HDAC5: variants seen among roughly 807,000 people sequenced by gnomAD.
HDAC5 encodes the protein histone deacetylase 5.
In HDAC5, 25 loss-of-function variants were observed where a neutral mutation model predicts 133.3. The ratio of observed to expected loss-of-function variants is 0.19; its 90% CI spans 0.14 to 0.26. The LOEUF (loss-of-function observed/expected upper bound fraction) is 0.26, where lower values mean the gene tolerates loss of function less well. Among genes scored for constraint, HDAC5 ranks in the 10% least tolerant of loss-of-function variants. The pLI, the probability that HDAC5 is intolerant of heterozygous loss-of-function variation, is 1.00. For missense variants in HDAC5, 1,041 were observed against 1,460.5 expected, an observed-to-expected ratio of 0.71 and a Z score of 4.68; for synonymous variants, 589 against 610.8, an observed-to-expected ratio of 0.96 and a Z score of 0.53.
At chr17:44,106,102 G>A (rs1430803511) in intron 3 of HDAC5, among the ~76,000 whole-genome samples, 1 of 152,200 alleles carries the variant, frequency 6.6e-6, no homozygotes, top group Non-Finnish European at 1.5e-5. Flanking sequence ...AGCTGTTACA[G>A]CTGTGTGCAT....
chr17:44,087,731 G>T (rs775625969), intron 12 of HDAC5, 35 bp from the exon 13 acceptor site: 2 of 1,532,914 alleles, frequency 1.3e-6, no homozygotes, highest in East Asian at 4.5e-5. Flanking sequence ...TCAGCTGGGA[G>T]TTGGGGAGCA....
chr17:44,084,809 C>G (rs2050570812), intron 15 of HDAC5, 134 bp from the exon 16 acceptor site: 1 of 1,329,604 alleles, frequency 7.5e-7, no homozygotes, highest in Admixed American at 2.1e-5. Context: ...TAGATCCTGG[C>G]TCTGTCATGA....
intron 17 of HDAC5, 59 bp downstream of exon 17, chr17:44,083,746 G>A: frequency 6.3e-7 from 1 of 1,586,788 alleles, no homozygotes; most frequent in South Asian, 1.1e-5. Context: ...TGGTAGGCAG[G>A]GAAGAGACAG....
intron 20 of HDAC5, chr17:44,081,612 T>C (rs2050396704): frequency 1.5e-5 from 2 of 137,706 alleles, no homozygotes; most frequent in Admixed American, 7.7e-5. Flanking sequence ...AGAATCTCAC[T>C]CTGTCATCGA....
rs773575696 is a variant in HDAC5 at position 44,108,751 on chromosome 17, C to CAAAAAAAAAAAAAAAAAAAAA, written c.94+1977_94+1978insTTTTTTTTTTTTTTTTTTTTT. Among the ~76,000 whole-genome samples, 2 of 56,944 alleles carry CAAAAAAAAAAAAAAAAAAAAA rather than the reference C, an allele frequency of 3.5e-5. 1 individual carries two copies. The highest frequency in any genetic ancestry group is 1.1e-4 in the African/African-American group (2 of 18,388). 37.4% of individuals were successfully genotyped at this position (56,944 alleles called of 152,430 possible). On this transcript the variant is annotated intron_variant, in intron 3 of 26. Transcript: ENST00000682912. Reference sequence around the variant, plus strand: ...AAACATCTATTTACATTCCAGAGTCCAAAAAAAAAACAAAAAAAAAACAAA... The same window carrying CAAAAAAAAAAAAAAAAAAAAA: ...AAACATCTATTTACATTCCAGAGTCCAAAAAAAAAAAAAAAAAAAAAAAAAAAAAAACAAAAAAAAAACAAA...
chr17:44,091,453 G>T lies in HDAC5; in HGVS notation c.1204C>A (p.Gln402Lys). 6.5e-7 allele frequency: 1 copy of T among 1,544,590 alleles called. No homozygotes were observed. Among genetic ancestry groups the T allele is most frequent in the South Asian group, 1.3e-5 (1 of 79,054 alleles). Residue 402 changes from glutamine (Q) to lysine (K), a missense_variant, in exon 11 of 27, where the codon CAG becomes AAG. Physicochemically the swap from Gln to Lys is moderately conservative, Grantham distance 53 (BLOSUM62 1). Around this residue, in one of 9 missense-constraint regions of HDAC5, gnomAD observed 433 missense variants for 531.6 expected, o/e 0.81. Coordinates refer to ENST00000682912, the MANE Select transcript of HDAC5 (RefSeq NM_005474.5). ...KLSTQQEAER[Q>K]ALQSLRQGGT... ...CCCTGCCGCAGGGACTGGAGGGCCT[G>T]CCTCTCGGCCTCCTGCTGTGTCGAC... is the stretch of plus-strand genomic sequence containing the variant.
intron 2 of HDAC5, among the ~76,000 whole-genome samples, chr17:44,116,672 G>A (rs558822673): frequency 5.9e-5 from 9 of 152,182 alleles, no homozygotes; most frequent in Admixed American, 4.6e-4. Context: ...AGGAGGAGAC[G>A]ACAGCCACTA....
At chr17:44,119,781 G>C (rs2052873550) in intron 1 of HDAC5, among the ~76,000 whole-genome samples, 1 of 152,200 alleles carries the variant, frequency 6.6e-6, no homozygotes, top group African/African-American at 2.4e-5. Context: ...AGGGGAGCCT[G>C]ATGTTTAAAA....
At chr17:44,079,299 G>C in intron 23 of HDAC5, 22 bp from the exon 24 acceptor site, 1 of 1,608,990 alleles carries the variant, frequency 6.2e-7, no homozygotes, top group East Asian at 2.2e-5. Flanking sequence ...GGTGAAGGGA[G>C]GAAGAAGAAA....
intron 23 of HDAC5, among the ~76,000 whole-genome samples, chr17:44,079,639 C>CA (rs773678478): frequency 0.64 from 42,300 of 66,284 alleles, 14,394 homozygotes; most frequent in South Asian, 0.84. Context: ...GACTCCACCT[C>CA]AAAAAAAAAA....
rs1463489539 is a variant in HDAC5, at chr17:44,117,958, G to A, written c.-189-254C>T. Reference sequence around the variant, plus strand: ...CCAACAGACCCCTTTTCAGGTGAGTGTCTACTGCCAGCTGGGGAGACCCTA... The same window carrying A: ...CCAACAGACCCCTTTTCAGGTGAGTATCTACTGCCAGCTGGGGAGACCCTA... On this transcript the variant is annotated intron_variant, in intron 1 of 26. Coordinates refer to ENST00000682912, the MANE Select transcript of HDAC5 (RefSeq NM_005474.5). The surrounding 1 kb of genome is among the most constrained non-coding windows in gnomAD (Gnocchi z 4.2). Among the ~76,000 whole-genome samples the A allele has an allele frequency of 1.3e-5, 2 of 152,184 alleles. No homozygotes were observed. The highest frequency in any genetic ancestry group is 4.8e-5 in the African/African-American group (2 of 41,460).
At chr17:44,088,012 TTTTG>T (rs746602401) in intron 12 of HDAC5, among the ~76,000 whole-genome samples, 9 of 151,510 alleles carry the variant, frequency 5.9e-5, no homozygotes, top group Non-Finnish European at 1.0e-4. Context: ...CCCAGCTAAT[TTTTG>T]TTTGTTTTTT....
intron 16 of HDAC5, among the ~76,000 whole-genome samples, chr17:44,084,333 C>G (rs550985129): frequency 6.6e-6 from 1 of 152,280 alleles, no homozygotes; most frequent in South Asian, 2.1e-4. Flanking sequence ...AGCAGTCCCC[C>G]CAACCGAGCA....
intron 10 of HDAC5, 25 bp from the exon 11 acceptor site, chr17:44,091,517 T>C (rs2050948661): frequency 1.9e-6 from 3 of 1,542,174 alleles, no homozygotes; most frequent in African/African-American, 2.8e-5. Context: ...GAGGGGCTTA[T>C]ACAGCCTCAG....
At chr17:44,085,423 A>G (rs2050600351) in intron 14 of HDAC5, 1 of 286,024 alleles carries the variant, frequency 3.5e-6, no homozygotes, top group African/African-American at 2.2e-5. Context: ...AGCCTCAACC[A>G]CTGCCCCCAC....
chr17:44,111,560 C>G (rs2052346759), intron 2 of HDAC5: 1 of 513,158 alleles, frequency 1.9e-6, no homozygotes, highest in African/African-American at 1.9e-5. Context: ...CAGACTCAAG[C>G]CTCCGTCTTT....
At chr17:44,095,501 G>C (rs1226507397) in intron 3 of HDAC5, among the ~76,000 whole-genome samples, 2 of 152,088 alleles carry the variant, frequency 1.3e-5, no homozygotes, top group East Asian at 3.9e-4. Context: ...CTGGGCAGGA[G>C]GGAGAGGCTG....
In HDAC5 at chr17:44,092,252, C is replaced by T. The variant is rs973285062; in HGVS notation, c.952G>A (p.Gly318Ser). The T allele has an allele frequency of 1.5e-5, 24 of 1,613,822 alleles. No individual in the cohort carries two copies. Among genetic ancestry groups the T allele is most frequent in the Non-Finnish European group, 1.9e-5 (22 of 1,179,950 alleles). The change falls in exon 9 of 27, where the codon GGC becomes AGC. Residue 318 changes from glycine to serine, a missense_variant. Physicochemically the swap from Gly to Ser is moderately conservative, Grantham distance 56 (BLOSUM62 0). Around this residue, in one of 9 missense-constraint regions of HDAC5, gnomAD observed 433 missense variants for 531.6 expected, o/e 0.81. Coordinates refer to ENST00000682912, the MANE Select transcript of HDAC5 (RefSeq NM_005474.5). ...SSVCNSAPGS[G>S]PSSPNSSHST... is the part of the protein sequence containing the mutation. ...TGGGAGCTGTTGGGAGAGCTGGGGC[C>T]GGAGCCGGGTGCGCTGTTACACACG...
At chr17:44,109,429 C>A (rs528893879) in intron 3 of HDAC5, among the ~76,000 whole-genome samples, 1 of 152,122 alleles carries the variant, frequency 6.6e-6, no homozygotes, top group Non-Finnish European at 1.5e-5. Flanking sequence ...CTTGTAGAGC[C>A]GGTTCCCAAG....
Sources: gnomAD v4.1 joint callset for allele counts (sites outside exome capture counted in the v4.1 genomes callset) on GRCh38, gnomAD v4.1.1 for gene constraint, gnomAD v4.1.1 regional missense constraint, Gnocchi (gnomAD v3.1) non-coding constraint, MANE v1.5 for transcripts, NCBI Gene and HGNC (gene_info 2026-07-23, HGNC 2026-07-21) for gene names.